STK11: variants seen among roughly 807,000 people sequenced by gnomAD.
STK11 encodes the protein serine/threonine-protein kinase STK11.
A neutral mutation model predicts 47.3 loss-of-function variants in STK11; 8 were observed. The observed-to-expected ratio is 0.17, with a 90% CI of 0.10 to 0.31. STK11 has a LOEUF of 0.31. STK11 is among the 10% of genes least tolerant of loss of function. The pLI is 1.00. For synonymous variants in STK11, 330 were observed against 255.8 expected, an observed-to-expected ratio of 1.29 and a Z score of -2.77; for missense variants, 475 against 605.0, an observed-to-expected ratio of 0.79 and a Z score of 2.25.
At chr19:1,224,548 T>C in intron 8 of STK11, 4 of 985,444 alleles carry the variant, frequency 4.1e-6, no homozygotes, top group Non-Finnish European at 4.8e-6. Flanking sequence ...CCCAGGCAGG[T>C]TGCGAGAGTC....
At position 1,206,250 on chromosome 19, in the gene STK11, G is replaced by T. The variant is rs1599913960; in HGVS notation, c.-664G>T. 1 of 202,672 alleles carries T rather than the reference G, an allele frequency of 4.9e-6. No homozygotes were observed. The highest frequency in any genetic ancestry group is 7.4e-5 in the East Asian group (1 of 13,590). The allele number at this position is 202,672 out of a possible 1,614,324, so 12.6% of individuals were successfully genotyped here. ...CGACCAGCCCTGAGCGGAGCTGTTG[G>T]CCGCGGCGGGAGGCCTCCCGGACGC... On this transcript the variant is annotated 5_prime_UTR_variant, in exon 1 of 10. Transcript: ENST00000326873.
intron 6 of STK11, chr19:1,221,613 G>C: frequency 3.4e-6 from 2 of 591,190 alleles, no homozygotes; most frequent in Non-Finnish European, 5.9e-6. Flanking sequence ...GGGCTCCCTG[G>C]CTTGCAGGGT....
intron 1 of STK11, among the ~76,000 whole-genome samples, chr19:1,207,758 G>C (rs2080678167): frequency 6.6e-6 from 1 of 152,236 alleles, no homozygotes; most frequent in African/African-American, 2.4e-5. Context: ...CATTTGCCAG[G>C]GATGTGACGC....
chr19:1,224,382 T>C, intron 8 of STK11: 1 of 984,980 alleles, frequency 1.0e-6, no homozygotes, highest in Non-Finnish European at 1.2e-6. Flanking sequence ...GTCACTAGGG[T>C]GTGCTGGGAG....
intron 9 of STK11, chr19:1,227,206 T>A (rs2080831019): frequency 1.3e-5 from 2 of 159,518 alleles, no homozygotes; most frequent in South Asian, 1.9e-4. Flanking sequence ...CAGCCCCGGG[T>A]GGGAGACGGA....
rs868788709 is a variant in STK11 at position 1,220,302 on chromosome 19, G to A, written c.465-71G>A. The A allele has an allele frequency of 1.1e-5, 17 of 1,537,828 alleles. No individual in the cohort carries two copies. The African/African-American group carries it at 1.9e-4, about 17-fold the overall frequency. On this transcript the variant is annotated intron_variant, in intron 3 of 9. Transcript: ENST00000326873. Reference sequence around the variant, plus strand: ...CCTGTGGTGTTTGGGAGGCTCCCAGGCAGCTGCAAAGGGGACCCCTGTGAG... The same window carrying A: ...CCTGTGGTGTTTGGGAGGCTCCCAGACAGCTGCAAAGGGGACCCCTGTGAG...
intron 1 of STK11, among the ~76,000 whole-genome samples, chr19:1,210,377 A>C (rs779702430): frequency 1.3e-5 from 2 of 152,164 alleles, no homozygotes; most frequent in Non-Finnish European, 2.9e-5. Flanking sequence ...GACAAGCCTC[A>C]GGCGTCCGGT....
chr19:1,211,029 C>A (rs754403586), intron 1 of STK11, among the ~76,000 whole-genome samples: 1 of 152,226 alleles, frequency 6.6e-6, no homozygotes, highest in Non-Finnish European at 1.5e-5. Flanking sequence ...GGTGTGGTGG[C>A]ACATGCCAAT....
intron 9 of STK11, chr19:1,227,127 G>T: frequency 5.8e-6 from 1 of 173,030 alleles, no homozygotes; most frequent in South Asian, 1.3e-4. Flanking sequence ...AAGTATGGCT[G>T]AGGCTGAGTC....
chr19:1,213,154 G>A (rs970390525), intron 1 of STK11, among the ~76,000 whole-genome samples: 8 of 150,956 alleles, frequency 5.3e-5, no homozygotes, highest in Non-Finnish European at 1.2e-4. Context: ...CTGCCACCAT[G>A]CCCGGCTAAT....
chr19:1,227,934 G>A lies in STK11; in HGVS notation c.*358G>A, dbSNP rs922149435. The A allele has an allele frequency of 3.7e-6, 4 of 1,070,200 alleles. No homozygotes were observed. The highest frequency in any genetic ancestry group is 4.1e-4 in the Middle Eastern group (1 of 2,430). 66.3% of individuals were successfully genotyped at this position (1,070,200 alleles called of 1,614,324 possible). The stretch of plus-strand genomic sequence containing the variant: ...GCAGGGCGCCCAGCGCCGTCCGGCG[G>A]CCCCGCCGCAGACCAGCTGGCGGGT... On this transcript the variant is annotated 3_prime_UTR_variant, in exon 10 of 10. Coordinates refer to ENST00000326873, the MANE Select transcript of STK11 (RefSeq NM_000455.5).
chr19:1,209,363 G>T (rs1028663637), intron 1 of STK11, among the ~76,000 whole-genome samples: 3 of 151,950 alleles, frequency 2.0e-5, no homozygotes, highest in African/African-American at 7.2e-5. Flanking sequence ...TGGGTGGATC[G>T]CCTGAGGTCA....
intron 8 of STK11, chr19:1,225,023 T>G: frequency 1.0e-6 from 1 of 981,552 alleles, no homozygotes; most frequent in Non-Finnish European, 1.2e-6. Flanking sequence ...TGCCTCCACT[T>G]TGGCCTCACG....
Position 1,226,668 on chromosome 19 carries a change from G to T in STK11, c.*16+5G>T. 1 of 1,492,066 alleles carries T rather than the reference G, an allele frequency of 6.7e-7. No homozygotes were observed. Among genetic ancestry groups the T allele is most frequent in the East Asian group, 2.5e-5 (1 of 39,994 alleles). The allele number at this position is 1,492,066 out of a possible 1,614,324, so 92.4% of individuals were successfully genotyped here. On this transcript the variant is annotated splice_donor_5th_base_variant and intron_variant, in intron 9 of 9. Transcript: ENST00000326873. Reference sequence around the variant, plus strand: ...AGTGAGGCTGGCCGCCTGCAGGTGGGGCGCGGCGGGGCCCGGGTGGGGCAT... The same window carrying T: ...AGTGAGGCTGGCCGCCTGCAGGTGGTGCGCGGCGGGGCCCGGGTGGGGCAT...
chr19:1,211,686 TGGAAA>T (rs1398488549), intron 1 of STK11, among the ~76,000 whole-genome samples: 2 of 152,206 alleles, frequency 1.3e-5, no homozygotes, highest in Non-Finnish European at 2.9e-5. Context: ...TCTACCTGTT[TGGAAA>T]TGTGAAAATC....
At chr19:1,222,140 C>T (rs533014251) in intron 7 of STK11, 134 bp downstream of exon 7, 21 of 1,097,940 alleles carry the variant, frequency 1.9e-5, no homozygotes, top group Admixed American at 4.1e-5. Flanking sequence ...GTGCAGCGCC[C>T]GCAGTTCTCG....
chr19:1,216,472 CAG>C (rs887038588), intron 1 of STK11: 16 of 154,932 alleles, frequency 1.0e-4, no homozygotes, highest in African/African-American at 1.9e-4. Context: ...CCCAGCGACT[CAG>C]GGGCTGAGTC....
chr19:1,226,231 A>G (rs2145435323), intron 8 of STK11: 1 of 1,385,564 alleles, frequency 7.2e-7, no homozygotes, highest in African/African-American at 1.5e-5. Context: ...GGTGGAGGGG[A>G]CACTCCTGCC....
chr19:1,211,990 G>T (rs1016803110), intron 1 of STK11, among the ~76,000 whole-genome samples: 1 of 152,176 alleles, frequency 6.6e-6, no homozygotes, highest in Non-Finnish European at 1.5e-5. Context: ...CTCTGTTTGT[G>T]CCCCTCTCTG....
Sources: allele counts gnomAD v4.1 joint callset (sites outside exome capture counted in the v4.1 genomes callset), GRCh38; gene constraint gnomAD v4.1.1; transcripts MANE v1.5; gene names NCBI Gene and HGNC (gene_info 2026-07-23, HGNC 2026-07-21).